The following HDAC5 variants were observed in gnomAD, a reference collection of about 807,000 sequenced individuals.
The protein encoded by HDAC5 is antigen NY-CO-9.
HDAC5 carries 25 observed loss-of-function variants against 133.3 expected under a neutral mutation model. That is an observed-to-expected ratio of 0.19 (90% CI 0.14 to 0.26). The LOEUF is 0.26. HDAC5 is among the 10% of genes least tolerant of loss of function. HDAC5 has a pLI of 1.00. For synonymous variants in HDAC5, 589 were observed against 610.8 expected (o/e 0.96, Z 0.53); for missense variants, 1,041 against 1,460.5 (o/e 0.71, Z 4.68).
intron 11 of HDAC5, among the ~76,000 whole-genome samples, chr17:44,089,678 C>T (rs1247820303): frequency 3.0e-5 from 4 of 133,854 alleles, no homozygotes; most frequent in South Asian, 2.3e-4. Context: ...ACTCGAGAGG[C>T]AGAGGTTGCA....
At chr17:44,090,052 G>A (rs550459575) in intron 11 of HDAC5, among the ~76,000 whole-genome samples, 23 of 152,004 alleles carry the variant, frequency 1.5e-4, no homozygotes, top group Non-Finnish European at 2.1e-4. Context: ...GGCCAAGATG[G>A]TGAAACCCCA....
chr17:44,107,093 T>C (rs1256135200), intron 3 of HDAC5, among the ~76,000 whole-genome samples: 1 of 152,114 alleles, frequency 6.6e-6, no homozygotes, highest in Non-Finnish European at 1.5e-5. Flanking sequence ...TACAGGTGCA[T>C]GCTACTGTGC....
rs2052741205 is a variant in HDAC5 at position 44,117,835 on chromosome 17, G to A, written c.-189-131C>T. ...GAGGGATACCTGCCCACAGCCACAG[G>A]AGAAATCTGCAGAACTGGATAGACC... On this transcript the variant is annotated intron_variant, in intron 1 of 26. Transcript: ENST00000682912. This position sits in a 1 kb window ranked among gnomAD's most constrained non-coding sequence, Gnocchi z 4.2. 1.8e-6 allele frequency: 1 copy of A among 559,284 alleles called. No homozygotes were observed. The highest frequency in any genetic ancestry group is 3.1e-5 in the Admixed American group (1 of 32,016). The allele number at this position is 559,284 out of a possible 1,614,324, so 34.6% of individuals were successfully genotyped here.
chr17:44,103,832 C>T (rs2143475184), intron 3 of HDAC5, among the ~76,000 whole-genome samples: 1 of 152,078 alleles, frequency 6.6e-6, no homozygotes, highest in Non-Finnish European at 1.5e-5. Flanking sequence ...CCTCAGCCTC[C>T]CAAGTAGCTG....
At chr17:44,083,398 C>G (rs1209473591) in intron 18 of HDAC5, 147 bp downstream of exon 18, 1 of 617,224 alleles carries the variant, frequency 1.6e-6, no homozygotes, top group Non-Finnish European at 2.9e-6. Context: ...GAATTCCCAG[C>G]TGGCAACTCC....
chr17:44,090,904 T>C (rs1331950498), intron 11 of HDAC5, among the ~76,000 whole-genome samples: 3 of 152,062 alleles, frequency 2.0e-5, no homozygotes, highest in Admixed American at 1.3e-4. Context: ...TTAGCCAGAA[T>C]GGTCTCAATC....
At chr17:44,100,835 C>T (rs2051559556) in intron 3 of HDAC5, among the ~76,000 whole-genome samples, 1 of 149,294 alleles carries the variant, frequency 6.7e-6, no homozygotes, top group African/African-American at 2.4e-5. Context: ...TGTCGCCAGG[C>T]TGGAGTGCAG....
chr17:44,116,796 T>C (rs553107198), intron 2 of HDAC5, among the ~76,000 whole-genome samples: 1 of 152,218 alleles, frequency 6.6e-6, no homozygotes, highest in South Asian at 2.1e-4. Context: ...TCAAGCTGCC[T>C]AGAGTCCCCC....
At chr17:44,083,688 T>G in intron 17 of HDAC5, 36 bp from the exon 18 acceptor site, 9 of 1,595,038 alleles carry the variant, frequency 5.6e-6, no homozygotes, top group Middle Eastern at 1.7e-4. Flanking sequence ...GTGTGCCCCC[T>G]GCAGGGCAAG....
chr17:44,089,621 C>T (rs1415037191), intron 11 of HDAC5, among the ~76,000 whole-genome samples: 1 of 151,884 alleles, frequency 6.6e-6, no homozygotes, highest in East Asian at 1.9e-4. Flanking sequence ...GTGGCACATG[C>T]CTGTAATCCC....
intron 1 of HDAC5, 118 bp downstream of exon 1, chr17:44,123,386 G>T (rs2053133768): frequency 2.9e-6 from 1 of 340,556 alleles, no homozygotes; most frequent in Non-Finnish European, 5.3e-6. Flanking sequence ...AGGAAGGGGG[G>T]CGCGGAGCGC....
intron 2 of HDAC5, among the ~76,000 whole-genome samples, chr17:44,112,519 A>AC (rs2052406132): frequency 6.7e-6 from 1 of 149,430 alleles, no homozygotes; most frequent in Non-Finnish European, 1.5e-5. Context: ...CCCCTCCTTG[A>AC]CCCCCACTCC....
At chr17:44,092,151 A>T in intron 9 of HDAC5, 21 bp downstream of exon 9, 1 of 1,600,644 alleles carries the variant, frequency 6.2e-7, no homozygotes, top group Admixed American at 1.7e-5. Context: ...CCGCCCCACC[A>T]GCCCCCAGCC....
intron 3 of HDAC5, among the ~76,000 whole-genome samples, chr17:44,098,904 G>A (rs2051423126): frequency 6.6e-6 from 1 of 151,584 alleles, no homozygotes; most frequent in Admixed American, 6.6e-5. Context: ...ATCACTTGAG[G>A]TCAGGAGTTC....
chr17:44,084,740 A>G, intron 15 of HDAC5, 65 bp from the exon 16 acceptor site: 1 of 1,580,650 alleles, frequency 6.3e-7, no homozygotes, highest in Non-Finnish European at 8.6e-7. Flanking sequence ...TCTCTGCCCC[A>G]TAGCCAGGGC....
intron 11 of HDAC5, among the ~76,000 whole-genome samples, chr17:44,090,177 G>A (rs2050873084): frequency 6.6e-6 from 1 of 151,568 alleles, no homozygotes; most frequent in Non-Finnish European, 1.5e-5. Context: ...AGGTTGCAGT[G>A]AGCCAAGATC....
At chr17:44,083,731 G>A (rs996541692) in intron 17 of HDAC5, 74 bp downstream of exon 17, 31 of 1,577,276 alleles carry the variant, frequency 2.0e-5, no homozygotes, top group African/African-American at 6.7e-5. Context: ...GTGGGCCAGC[G>A]GCTGTGGTAG....
chr17:44,098,210 G>A (rs935891396), intron 3 of HDAC5, among the ~76,000 whole-genome samples: 3 of 152,226 alleles, frequency 2.0e-5, no homozygotes, highest in Non-Finnish European at 2.9e-5. Context: ...GGAGCCTGGC[G>A]GGCCTTGCAC....
rs1196159599 is a variant in HDAC5, at chr17:44,087,105, A to ACACGCACAGG, written c.1884+297_1884+306dup. On this transcript the variant is annotated intron_variant, in intron 13 of 26. Coordinates refer to ENST00000682912, the MANE Select transcript of HDAC5 (RefSeq NM_005474.5). ...TAACAGCGGGGGCGTGTGTGTACAC[A>ACACGCACAGG]CACGCACAGGCACGCACAGGGACCG... Among the ~76,000 whole-genome samples, 5 of 151,702 alleles carry ACACGCACAGG rather than the reference A, an allele frequency of 3.3e-5. No homozygotes were observed. The East Asian group carries it at 7.9e-4, about 24-fold the overall frequency.
Sources: allele counts gnomAD v4.1 joint callset (sites outside exome capture counted in the v4.1 genomes callset), GRCh38; gene constraint gnomAD v4.1.1; non-coding constraint Gnocchi (gnomAD v3.1); transcripts MANE v1.5; gene names NCBI Gene and HGNC (gene_info 2026-07-23, HGNC 2026-07-21).